Variants in PLA2G4A observed in about 807,000 individuals in gnomAD.
PLA2G4A encodes cytosolic phospholipase A2.
A neutral mutation model predicts 81.9 loss-of-function variants in PLA2G4A; 40 were observed. The ratio of observed to expected loss-of-function variants is 0.49; its 90% CI spans 0.38 to 0.64. The LOEUF is 0.64. PLA2G4A is among the 30% of genes least tolerant of loss of function. PLA2G4A has a pLI of 0.00. For synonymous variants in PLA2G4A, 302 were observed against 296.9 expected, an observed-to-expected ratio of 1.02 and a Z score of -0.18; for missense variants, 715 against 905.1, an observed-to-expected ratio of 0.79 and a Z score of 2.69.
At chr1:186,830,964 TTC>T (rs1402280754) in intron 1 of PLA2G4A, among the ~76,000 whole-genome samples, 2 of 60,334 alleles carry the variant, frequency 3.3e-5, no homozygotes, top group Non-Finnish European at 6.9e-5. Flanking sequence ...CTTGCTTTCT[TTC>T]TTTCTTTCTT....
intron 13 of PLA2G4A, 39 bp from the exon 14 acceptor site, chr1:186,956,063 A>G: frequency 6.3e-7 from 1 of 1,596,470 alleles, no homozygotes; most frequent in Non-Finnish European, 8.6e-7. Flanking sequence ...TTAAACATGT[A>G]TTTTGGAGTC....
At chr1:186,830,981 TCTTTCTTTCTTTC>T (rs1558339337) in intron 1 of PLA2G4A, among the ~76,000 whole-genome samples, 4 of 138,326 alleles carry the variant, frequency 2.9e-5, no homozygotes, top group African/African-American at 1.0e-4. Flanking sequence ...TTTCTTTCTT[TCTTTCTTTCTTTC>T]TTTCTTTCTT....
At chr1:186,867,461 T>C (rs1297912882) in intron 2 of PLA2G4A, among the ~76,000 whole-genome samples, 1 of 151,692 alleles carries the variant, frequency 6.6e-6, no homozygotes, top group Non-Finnish European at 1.5e-5. Flanking sequence ...GGAGTGCTAA[T>C]ATAAGTAGTA....
intron 3 of PLA2G4A, among the ~76,000 whole-genome samples, chr1:186,872,285 C>CA (rs912969322): frequency 6.6e-6 from 1 of 152,026 alleles, no homozygotes; most frequent in African/African-American, 2.4e-5. Flanking sequence ...AGAAAGGCCC[C>CA]TGCGAAAGAG....
intron 2 of PLA2G4A, among the ~76,000 whole-genome samples, chr1:186,861,241 C>T (rs926359565): frequency 6.6e-6 from 1 of 152,156 alleles, no homozygotes; most frequent in African/African-American, 2.4e-5. Flanking sequence ...AGTCCTATGT[C>T]ACAGTCTATG....
In PLA2G4A at chr1:186,854,484, C is replaced by A. The variant is rs201690434; in HGVS notation, c.33+97C>A. The A allele has an allele frequency of 1.1e-4, 92 of 805,890 alleles. No individual in the cohort carries two copies. In the East Asian group the frequency reaches 2.2e-3, roughly 19 times the overall value. The allele number at this position is 805,890 out of a possible 1,614,324, so 49.9% of individuals were successfully genotyped here. A position where few individuals can be genotyped will look rare whatever the true frequency, so the allele number is the denominator to read the frequency against. On this transcript the variant is annotated intron_variant, in intron 2 of 17. Transcript: ENST00000367466. ...TGCTAGTAAAGTCAAACTGTGACAACTTCTGCATTTGTTATTAAACTCATA... is the reference window on the plus strand; with the variant it reads ...TGCTAGTAAAGTCAAACTGTGACAAATTCTGCATTTGTTATTAAACTCATA...
intron 7 of PLA2G4A, among the ~76,000 whole-genome samples, chr1:186,927,657 A>G (rs1249423802): frequency 1.3e-5 from 2 of 152,236 alleles, no homozygotes; most frequent in Non-Finnish European, 2.9e-5. Context: ...AAACAAATAG[A>G]CAGCTTTGGA....
At chr1:186,844,757 G>A (rs1477552574) in intron 1 of PLA2G4A, among the ~76,000 whole-genome samples, 1 of 152,152 alleles carries the variant, frequency 6.6e-6, no homozygotes, top group Non-Finnish European at 1.5e-5. Context: ...TGCACGTTGT[G>A]CACATGTACC....
intron 8 of PLA2G4A, among the ~76,000 whole-genome samples, chr1:186,937,234 C>T (rs1041863527): frequency 4.3e-5 from 6 of 139,474 alleles, no homozygotes; most frequent in African/African-American, 1.4e-4. Context: ...TCCAAGCCAA[C>T]TGCTTCATGA....
chr1:186,876,144 G>A (rs1157029521), intron 3 of PLA2G4A, among the ~76,000 whole-genome samples: 1 of 152,068 alleles, frequency 6.6e-6, no homozygotes, highest in Non-Finnish European at 1.5e-5. Flanking sequence ...GTTCTGATGT[G>A]GGCCTTGTAA....
intron 1 of PLA2G4A, among the ~76,000 whole-genome samples, chr1:186,843,828 G>A (rs193255081): frequency 6.6e-6 from 1 of 152,262 alleles, no homozygotes; most frequent in East Asian, 1.9e-4. Flanking sequence ...TCAAATGTCA[G>A]ATCAGTTACC....
chr1:186,945,415 T>G (rs1033544856), intron 10 of PLA2G4A, among the ~76,000 whole-genome samples: 4 of 152,102 alleles, frequency 2.6e-5, no homozygotes, highest in Non-Finnish European at 5.9e-5. Flanking sequence ...ATGACACTGG[T>G]GTGCTGTGAT....
At chr1:186,984,930 G>C (rs1045226034) in intron 17 of PLA2G4A, among the ~76,000 whole-genome samples, 1 of 152,142 alleles carries the variant, frequency 6.6e-6, no homozygotes, top group Non-Finnish European at 1.5e-5. Context: ...TATAAGTTAG[G>C]AAATGGAGTC....
intron 3 of PLA2G4A, among the ~76,000 whole-genome samples, chr1:186,883,927 G>A (rs1653834955): frequency 6.6e-6 from 1 of 152,106 alleles, no homozygotes; most frequent in Admixed American, 6.6e-5. Flanking sequence ...CAAAATCTTT[G>A]ATGTAGGAGA....
intron 17 of PLA2G4A, among the ~76,000 whole-genome samples, chr1:186,987,885 A>G (rs12720704): frequency 0.056 from 8,548 of 152,284 alleles, 290 homozygotes; most frequent in Middle Eastern, 0.12. Context: ...GAGGAGGCTC[A>G]TGTTTTATAA....
rs185350689 is a variant in PLA2G4A, at chr1:186,919,834, G to A, written c.558+8445G>A. ...GTCACTGTAGCTTGGTTGACCAAGC[G>A]CAAGTCCTGTACTGGCTGGTAGTCC... On this transcript the variant is annotated intron_variant, in intron 7 of 17. Coordinates refer to ENST00000367466, the MANE Select transcript of PLA2G4A (RefSeq NM_024420.3). 5.1e-3 allele frequency among the ~76,000 whole-genome samples: 772 copies of A among 152,294 alleles called. 21 individuals are homozygous for A. Among genetic ancestry groups the A allele is most frequent in the Admixed American group, 0.04 (619 of 15,302 alleles).
chr1:186,867,331 G>T (rs1653069342), intron 2 of PLA2G4A, among the ~76,000 whole-genome samples: 1 of 152,064 alleles, frequency 6.6e-6, no homozygotes, highest in African/African-American at 2.4e-5. Context: ...TCCCATCCAT[G>T]AATATGGAAT....
chr1:186,891,312 A>G (rs1270185870), intron 3 of PLA2G4A, among the ~76,000 whole-genome samples: 1 of 152,172 alleles, frequency 6.6e-6, no homozygotes, highest in Non-Finnish European at 1.5e-5. Flanking sequence ...TAATCCAATT[A>G]CACTCTTTTA....
At chr1:186,960,900 CTT>C (rs1656919910) in intron 14 of PLA2G4A, among the ~76,000 whole-genome samples, 1 of 152,116 alleles carries the variant, frequency 6.6e-6, no homozygotes, top group Non-Finnish European at 1.5e-5. Context: ...TGAATTTTGT[CTT>C]TCTCAAGACA....
Sources: allele counts gnomAD v4.1 joint callset (sites outside exome capture counted in the v4.1 genomes callset), GRCh38; gene constraint gnomAD v4.1.1; transcripts MANE v1.5; gene names NCBI Gene and HGNC (gene_info 2026-07-23, HGNC 2026-07-21).